The following MAGOHB variants were observed in gnomAD, a reference collection of about 807,000 sequenced individuals.
The protein encoded by MAGOHB is mago homolog B, exon junction complex subunit.
A neutral mutation model predicts 20.9 loss-of-function variants in MAGOHB; 15 were observed. That is an observed-to-expected ratio of 0.72 (90% CI 0.48 to 1.11). MAGOHB has a LOEUF of 1.11. Ranked by LOEUF, MAGOHB falls within the 50% of genes least tolerant of loss-of-function variation. The pLI is 0.00. For missense variants in MAGOHB, 162 were observed against 177.6 expected, an observed-to-expected ratio of 0.91 and a Z score of 0.50; for synonymous variants, 50 against 57.9, an observed-to-expected ratio of 0.86 and a Z score of 0.62.
chr12:10,608,714 T>G (rs1382212843), intron 3 of MAGOHB: 1 of 151,980 alleles, frequency 6.6e-6, no homozygotes, highest in Non-Finnish European at 1.5e-5. Flanking sequence ...ATTAAAAAGC[T>G]ATATCTGTAA....
Position 10,606,317 on chromosome 12 carries a change from A to T in MAGOHB, c.405T>A (p.Val135=), listed in dbSNP as rs1865629216. The change falls in exon 5 of 5, where the codon GTT becomes GTA. Residue 135 remains valine (V), a synonymous_variant. Transcript: ENST00000320756. ...YYLVQDLKCL[V]FSLIGLHFKI... ...TGAAGTGTAATCCAATAAGACTGAA[A>T]ACTAAACATTTCAAGTCTTGTACCA... 6.3e-7 allele frequency: 1 copy of T among 1,579,238 alleles called. No homozygotes were observed. The highest frequency in any genetic ancestry group is 2.3e-5 in the East Asian group (1 of 44,322).
At chr12:10,611,649 G>A (rs1865739434) in intron 1 of MAGOHB, among the ~76,000 whole-genome samples, 1 of 147,640 alleles carries the variant, frequency 6.8e-6, no homozygotes, top group Non-Finnish European at 1.5e-5. Context: ...TCGGGAGGAT[G>A]AGGCAGGAGA....
At chr12:10,602,942 G>C (rs1865566836), downstream of MAGOHB, among the ~76,000 whole-genome samples, 1 of 152,124 alleles carries the variant, frequency 6.6e-6, no homozygotes, top group Non-Finnish European at 1.5e-5. Context: ...AAGATGGTCT[G>C]AATCACTTCA....
chr12:10,601,486 C>T (rs1463270419), downstream of MAGOHB, among the ~76,000 whole-genome samples: 1 of 152,172 alleles, frequency 6.6e-6, no homozygotes, highest in Non-Finnish European at 1.5e-5. Context: ...TGGAACCAGG[C>T]AAATCTGGCT....
chr12:10,610,261 T>C (rs1479809221), intron 2 of MAGOHB, among the ~76,000 whole-genome samples: 2 of 152,144 alleles, frequency 1.3e-5, no homozygotes, highest in Admixed American at 6.5e-5. Flanking sequence ...AGGTGAACTG[T>C]AATAAATGCA....
At chr12:10,607,267 G>C (rs2120511684) in intron 4 of MAGOHB, among the ~76,000 whole-genome samples, 1 of 152,230 alleles carries the variant, frequency 6.6e-6, no homozygotes, top group African/African-American at 2.4e-5. Context: ...CAGTAAAGCA[G>C]ACAAATAGGT....
downstream of MAGOHB, among the ~76,000 whole-genome samples, chr12:10,600,751 T>C (rs1225909563): frequency 1.3e-5 from 2 of 152,198 alleles, no homozygotes; most frequent in Non-Finnish European, 2.9e-5. Context: ...TGACTTCCAC[T>C]TTTATTGGAT....
At position 10,607,123 on chromosome 12, in the gene MAGOHB, C is replaced by T. The variant is rs922974280; in HGVS notation, c.347+731G>A. On this transcript the variant is annotated intron_variant, in intron 4 of 4. Coordinates refer to ENST00000320756, the MANE Select transcript of MAGOHB (RefSeq NM_018048.5). ...ATGGTCTTTGTGAACACAGATTTTGCGTCCAATAGTTATCATGCATTCATT... is the reference window on the plus strand; with the variant it reads ...ATGGTCTTTGTGAACACAGATTTTGTGTCCAATAGTTATCATGCATTCATT... Among the ~76,000 whole-genome samples the T allele has an allele frequency of 2.0e-5, 3 of 152,158 alleles. 1 individual carries two copies. The highest frequency in any genetic ancestry group is 2.1e-4 in the South Asian group (1 of 4,830).
chr12:10,610,124 T>C (rs1213994535), intron 2 of MAGOHB, among the ~76,000 whole-genome samples, 183 bp from the exon 3 acceptor site: 1 of 152,242 alleles, frequency 6.6e-6, no homozygotes, highest in Non-Finnish European at 1.5e-5. Flanking sequence ...TCTCTTGCCC[T>C]TTCCTTTCAC....
At chr12:10,606,911 T>C (rs1400306029) in intron 4 of MAGOHB, among the ~76,000 whole-genome samples, 1 of 152,096 alleles carries the variant, frequency 6.6e-6, no homozygotes, top group East Asian at 1.9e-4. Context: ...TAGGAATAGT[T>C]CCATAGAAGA....
rs1002758722 is a variant in MAGOHB at position 10,610,347 on chromosome 12, C to G, written c.153+275G>C. Among the ~76,000 whole-genome samples, 2 of 152,146 alleles carry G rather than the reference C, an allele frequency of 1.3e-5. 1 individual carries two copies. The highest frequency in any genetic ancestry group is 4.1e-4 in the South Asian group (2 of 4,824). ...TGAGCTGAGATCAAGCCACTGCACTCCAGCTTGGGTAACAGAGCGAGACTC... is the reference window on the plus strand; with the variant it reads ...TGAGCTGAGATCAAGCCACTGCACTGCAGCTTGGGTAACAGAGCGAGACTC... On this transcript the variant is annotated intron_variant, in intron 2 of 4. Transcript: ENST00000320756.
chr12:10,611,367 T>G (rs972899119), intron 1 of MAGOHB, among the ~76,000 whole-genome samples: 1 of 152,224 alleles, frequency 6.6e-6, no homozygotes, highest in Non-Finnish European at 1.5e-5. Context: ...TATTATCTGA[T>G]GTATGCTTCC....
At chr12:10,610,748 A>C in intron 1 of MAGOHB, 68 bp from the exon 2 acceptor site, 1 of 1,444,578 alleles carries the variant, frequency 6.9e-7, no homozygotes, top group Non-Finnish European at 9.4e-7. Flanking sequence ...ATCATATACA[A>C]TTTTGAAGGT....
intron 3 of MAGOHB, chr12:10,609,284 C>A: frequency 2.7e-6 from 1 of 369,018 alleles, no homozygotes; most frequent in South Asian, 2.0e-5. Flanking sequence ...AGGAATTTCT[C>A]CAAGAGTTGA....
Position 10,611,579 on chromosome 12 carries a change from T to C in MAGOHB, c.95-899A>G, listed in dbSNP as rs543026949. Among the ~76,000 whole-genome samples the C allele has an allele frequency of 2.6e-5, 4 of 151,028 alleles. No homozygotes were observed. The South Asian group carries it at 6.3e-4, about 24-fold the overall frequency. ...CTGGCCAACATGGAGAAACCCCGTCTCTACTAAAAATACGAAAAAATAGCC... is the reference window on the plus strand; with the variant it reads ...CTGGCCAACATGGAGAAACCCCGTCCCTACTAAAAATACGAAAAAATAGCC... On this transcript the variant is annotated intron_variant, in intron 1 of 4. Coordinates refer to ENST00000320756, the MANE Select transcript of MAGOHB (RefSeq NM_018048.5).
At chr12:10,611,542 T>G (rs1865736858) in intron 1 of MAGOHB, among the ~76,000 whole-genome samples, 1 of 151,268 alleles carries the variant, frequency 6.6e-6, no homozygotes, top group Non-Finnish European at 1.5e-5. Flanking sequence ...AGGTCAGCAG[T>G]TAGAGACCAG....
chr12:10,601,267 A>C (rs564535862), downstream of MAGOHB, among the ~76,000 whole-genome samples: 1 of 120,498 alleles, frequency 8.3e-6, no homozygotes, highest in East Asian at 2.8e-4. Flanking sequence ...AACCATATTA[A>C]AACCTCCCAA....
chr12:10,602,244 C>T (rs537914384), downstream of MAGOHB, among the ~76,000 whole-genome samples: 4 of 152,328 alleles, frequency 2.6e-5, no homozygotes, highest in South Asian at 8.3e-4. Flanking sequence ...ATTGAAACTG[C>T]AGCACATGTA....
downstream of MAGOHB, among the ~76,000 whole-genome samples, chr12:10,602,814 T>C (rs963429517): frequency 2.0e-5 from 3 of 152,184 alleles, no homozygotes; most frequent in Non-Finnish European, 4.4e-5. Flanking sequence ...TAGTCACACC[T>C]TCAAACCTTC....
Sources: gnomAD v4.1 joint callset for allele counts (sites outside exome capture counted in the v4.1 genomes callset) on GRCh38, gnomAD v4.1.1 for gene constraint, MANE v1.5 for transcripts, NCBI Gene and HGNC (gene_info 2026-07-23, HGNC 2026-07-21) for gene names.